Variants in SNX30 observed in about 807,000 individuals in gnomAD.
The protein encoded by SNX30 is sorting nexin-30.
A neutral mutation model predicts 46.4 loss-of-function variants in SNX30; 24 were observed. The observed-to-expected ratio is 0.52, with a 90% CI of 0.37 to 0.73. The LOEUF is 0.73. Among genes scored for constraint, SNX30 ranks in the 30% least tolerant of loss-of-function variants. SNX30 has a pLI of 0.00. For synonymous variants in SNX30, 189 were observed against 211.5 expected, an observed-to-expected ratio of 0.89 and a Z score of 0.92; for missense variants, 533 against 555.7, an observed-to-expected ratio of 0.96 and a Z score of 0.41.
At chr9:112,844,840 G>A (rs1840913939) in intron 6 of SNX30, among the ~76,000 whole-genome samples, 2 of 152,150 alleles carry the variant, frequency 1.3e-5, no homozygotes, top group African/African-American at 4.8e-5. Flanking sequence ...CAGCCTGCCC[G>A]CCCCTTCCCC....
At chr9:112,834,125 A>T (rs1007414558) in intron 4 of SNX30, among the ~76,000 whole-genome samples, 2 of 149,772 alleles carry the variant, frequency 1.3e-5, no homozygotes, top group African/African-American at 5.0e-5. Context: ...AACAGTTGTC[A>T]TCAACACAGG....
At chr9:112,766,434 A>G (rs925151885) in intron 1 of SNX30, among the ~76,000 whole-genome samples, 1 of 152,268 alleles carries the variant, frequency 6.6e-6, no homozygotes, top group South Asian at 2.1e-4. Context: ...GTTAATGGTA[A>G]TTTTAGATAT....
intron 1 of SNX30, among the ~76,000 whole-genome samples, chr9:112,786,117 C>CTGCTGTCCTT (rs1316424408): frequency 7.7e-6 from 1 of 130,170 alleles, no homozygotes; most frequent in African/African-American, 2.8e-5. Context: ...AGGAGCTGTC[C>CTGCTGTCCTT]TTTTTTTTTT....
Position 112,869,902 on chromosome 9 carries a change from A to C in SNX30, c.*1059A>C, listed in dbSNP as rs1841419316. The C allele has an allele frequency of 6.6e-6, 1 of 152,202 alleles. No individual in the cohort carries two copies. The highest frequency in any genetic ancestry group is 6.5e-5 in the Admixed American group (1 of 15,288). The allele number at this position is 152,202 out of a possible 1,614,324, so 9.4% of individuals were successfully genotyped here. A position where few individuals can be genotyped will look rare whatever the true frequency, so the allele number is the denominator to read the frequency against. On this transcript the variant is annotated 3_prime_UTR_variant, in exon 9 of 9. Transcript: ENST00000374232. ...TGTCATGTTGTTATGATACAGTCGA[A>C]ATTTGTCAATGCAGTGTGAATGTTC...
intron 1 of SNX30, among the ~76,000 whole-genome samples, chr9:112,764,930 C>A (rs1178053241): frequency 6.6e-6 from 1 of 152,202 alleles, no homozygotes; most frequent in African/African-American, 2.4e-5. Flanking sequence ...GCGCGCCTCC[C>A]TCACATTGCA....
chr9:112,804,624 C>T (rs1296802289), intron 1 of SNX30, 152 bp from the exon 2 acceptor site: 2 of 601,304 alleles, frequency 3.3e-6, no homozygotes, highest in Admixed American at 3.1e-5. Flanking sequence ...GATTTGTTCA[C>T]TCAAGAAACA....
chr9:112,811,942 T>C (rs1009466630), intron 2 of SNX30, among the ~76,000 whole-genome samples: 1 of 152,256 alleles, frequency 6.6e-6, no homozygotes, highest in African/African-American at 2.4e-5. Context: ...TACAAACTTA[T>C]CTTTGGAGTT....
At chr9:112,816,888 AT>A (rs1840405142) in intron 2 of SNX30, among the ~76,000 whole-genome samples, 2 of 152,234 alleles carry the variant, frequency 1.3e-5, no homozygotes, top group Admixed American at 1.3e-4. Flanking sequence ...ATGAGTAAAA[AT>A]CTTGTTTTGG....
chr9:112,865,657 A>ATGTGTGTGTGTGTGTG (rs1399648106), intron 8 of SNX30, among the ~76,000 whole-genome samples: 6 of 81,430 alleles, frequency 7.4e-5, no homozygotes, highest in Non-Finnish European at 1.4e-4. Flanking sequence ...ATATATATAT[A>ATGTGTGTGTGTGTGTG]TATATGTATG....
At chr9:112,817,199 A>G (rs1240202665) in intron 2 of SNX30, among the ~76,000 whole-genome samples, 4 of 152,046 alleles carry the variant, frequency 2.6e-5, no homozygotes, top group East Asian at 1.9e-4. Flanking sequence ...CTCTTTGGCA[A>G]AACTTGTCAG....
chr9:112,756,829 A>G (rs895439604), intron 1 of SNX30, among the ~76,000 whole-genome samples: 1 of 152,172 alleles, frequency 6.6e-6, no homozygotes, highest in Non-Finnish European at 1.5e-5. Flanking sequence ...ACCTAGAAGC[A>G]TTCCAGCTCT....
At chr9:112,836,551 A>AG (rs1238564589) in intron 5 of SNX30, 142 bp downstream of exon 5, 19 of 878,512 alleles carry the variant, frequency 2.2e-5, no homozygotes, top group Non-Finnish European at 1.7e-6. Context: ...AAATACAAGG[A>AG]GGGGAGGAGT....
intron 4 of SNX30, among the ~76,000 whole-genome samples, chr9:112,834,843 AACACACACACACACAC>A (rs79118828): frequency 2.6e-5 from 2 of 78,414 alleles, no homozygotes; most frequent in South Asian, 5.9e-4. Context: ...CACACACACA[AACACACACACACACAC>A]ACACACACAC....
intron 3 of SNX30, among the ~76,000 whole-genome samples, chr9:112,828,887 T>C (rs1488482438): frequency 6.6e-6 from 1 of 152,122 alleles, no homozygotes; most frequent in African/African-American, 2.4e-5. Context: ...AAGGAAACCC[T>C]GTACCCATGA....
At chr9:112,832,493 T>A (rs60458169) in intron 4 of SNX30, among the ~76,000 whole-genome samples, 120,042 of 135,402 alleles carry the variant, frequency 0.89, 53,028 homozygotes, top group South Asian at 0.9. Flanking sequence ...TGTGTGTGTG[T>A]GTGAGAGAGA....
intron 3 of SNX30, among the ~76,000 whole-genome samples, chr9:112,828,203 A>G (rs774649215): frequency 6.6e-6 from 1 of 152,258 alleles, no homozygotes; most frequent in East Asian, 1.9e-4. Context: ...ATTTCTGTCA[A>G]TGGTGGATGG....
intron 1 of SNX30, among the ~76,000 whole-genome samples, chr9:112,795,819 A>G (rs1840100157): frequency 6.6e-6 from 1 of 151,306 alleles, no homozygotes; most frequent in African/African-American, 2.4e-5. Context: ...AGCAAGGCAC[A>G]GTTGCAGTCA....
intron 6 of SNX30, among the ~76,000 whole-genome samples, chr9:112,849,118 A>G (rs1205789554): frequency 6.6e-6 from 1 of 152,176 alleles, no homozygotes; most frequent in East Asian, 1.9e-4. Context: ...CACCAGTGAT[A>G]AGCATCCCAC....
intron 7 of SNX30, among the ~76,000 whole-genome samples, chr9:112,857,652 G>T (rs1409837748): frequency 2.6e-5 from 4 of 152,132 alleles, no homozygotes; most frequent in African/African-American, 7.2e-5. Flanking sequence ...CATCATGAGA[G>T]CAGATAATGT....
Sources: gnomAD v4.1 joint callset for allele counts (sites outside exome capture counted in the v4.1 genomes callset) on GRCh38, gnomAD v4.1.1 for gene constraint, MANE v1.5 for transcripts, NCBI Gene and HGNC (gene_info 2026-07-23, HGNC 2026-07-21) for gene names.